Variants in CDK14 observed in about 807,000 individuals in gnomAD.
The protein encoded by CDK14 is cyclin dependent kinase 14.
Under a neutral mutation model 60.7 loss-of-function variants are expected in CDK14, and 34 were observed. The ratio of observed to expected loss-of-function variants is 0.56; its 90% CI spans 0.43 to 0.75. The LOEUF (loss-of-function observed/expected upper bound fraction) is 0.75, where lower values mean the gene tolerates loss of function less well. Among genes scored for constraint, CDK14 ranks in the 30% least tolerant of loss-of-function variants. The probability of loss-of-function intolerance (pLI) is 0.00; values close to 1 mark genes in which losing one functional copy is unlikely to be tolerated. For synonymous variants in CDK14, 197 were observed against 203.7 expected (o/e 0.97, Z 0.28); for missense variants, 482 against 564.1 (o/e 0.85, Z 1.47).
chr7:91,155,223 T>C (rs151216871), intron 14 of CDK14, among the ~76,000 whole-genome samples: 185 of 152,246 alleles, frequency 1.2e-3, no homozygotes, highest in Admixed American at 2.0e-3. Context: ...GAAGATGCCA[T>C]TGCAGAGGTG....
At chr7:90,717,554 T>A (rs543938001) in intron 2 of CDK14, among the ~76,000 whole-genome samples, 114 of 152,228 alleles carry the variant, frequency 7.5e-4, no homozygotes, top group African/African-American at 2.7e-3. Context: ...TTGGGTCAGA[T>A]GCCAAAGAAA....
chr7:91,125,382 A>C (rs1799910482), intron 14 of CDK14, among the ~76,000 whole-genome samples: 1 of 152,218 alleles, frequency 6.6e-6, no homozygotes, highest in Non-Finnish European at 1.5e-5. Context: ...CTTTAGCTAA[A>C]GTATTACAAG....
intron 3 of CDK14, among the ~76,000 whole-genome samples, chr7:90,739,748 A>G (rs1395983919): frequency 1.3e-5 from 2 of 152,218 alleles, no homozygotes; most frequent in Admixed American, 6.5e-5. Flanking sequence ...AAGCAAACAC[A>G]CAGACCTCTC....
chr7:90,959,690 A>G (rs1794540830), intron 9 of CDK14, among the ~76,000 whole-genome samples: 1 of 152,196 alleles, frequency 6.6e-6, no homozygotes, highest in African/African-American at 2.4e-5. Flanking sequence ...AAATAAAAAA[A>G]TGAATGAAGA....
intron 6 of CDK14, among the ~76,000 whole-genome samples, chr7:90,880,544 G>A (rs117793331): frequency 0.03 from 4,539 of 152,258 alleles, 87 homozygotes; most frequent in Non-Finnish European, 0.047. Context: ...AGATGAGTGG[G>A]TTTCCCCACA....
intron 14 of CDK14, among the ~76,000 whole-genome samples, chr7:91,124,151 G>A (rs1799869705): frequency 6.6e-6 from 1 of 152,088 alleles, no homozygotes; most frequent in African/African-American, 2.4e-5. Flanking sequence ...GCCTCACAAA[G>A]TGTTGGGATT....
chr7:91,169,215 G>A (rs952277891), intron 14 of CDK14, among the ~76,000 whole-genome samples: 4 of 152,124 alleles, frequency 2.6e-5, no homozygotes, highest in East Asian at 1.9e-4. Context: ...GATAGACACC[G>A]AGTGACCTAA....
chr7:91,176,486 A>C (rs1474378138), intron 14 of CDK14, among the ~76,000 whole-genome samples: 5 of 152,170 alleles, frequency 3.3e-5, no homozygotes, highest in East Asian at 3.9e-4. Flanking sequence ...AATAGAGACC[A>C]AAAAAACCCT....
At chr7:91,001,009 G>C (rs1795820443) in intron 10 of CDK14, among the ~76,000 whole-genome samples, 1 of 152,086 alleles carries the variant, frequency 6.6e-6, no homozygotes, top group East Asian at 1.9e-4. Flanking sequence ...CAGATCAGCA[G>C]GCAAAAATAT....
At chr7:90,895,357 T>TCC (rs1562817531) in intron 6 of CDK14, among the ~76,000 whole-genome samples, 1 of 34,832 alleles carries the variant, frequency 2.9e-5, no homozygotes, top group Non-Finnish European at 5.8e-5. Flanking sequence ...TCTCCTCTCC[T>TCC]CACCTCTCCT....
chr7:90,623,120 T>G (rs1194448929), intron 2 of CDK14, among the ~76,000 whole-genome samples: 1 of 151,910 alleles, frequency 6.6e-6, no homozygotes, highest in Non-Finnish European at 1.5e-5. Context: ...TTTAAAATTT[T>G]TGTTGTCTTT....
intron 7 of CDK14, among the ~76,000 whole-genome samples, chr7:90,914,569 TTGTTTGGGGCTGTATTTGTCA>T (rs1370993702): frequency 1.3e-5 from 2 of 152,162 alleles, no homozygotes; most frequent in Non-Finnish European, 2.9e-5. Flanking sequence ...GTTCTTACAT[TTGTTTGGGGCTGTATTTGTCA>T]TGTTTGGGGC....
intron 8 of CDK14, among the ~76,000 whole-genome samples, chr7:90,947,074 A>G (rs115800680): frequency 4.6e-5 from 7 of 151,892 alleles, no homozygotes; most frequent in African/African-American, 1.7e-4. Context: ...TTCCTTAACG[A>G]TTTTCTCTTT....
chr7:90,775,748 C>T (rs375463396), intron 4 of CDK14, among the ~76,000 whole-genome samples: 3 of 130,110 alleles, frequency 2.3e-5, no homozygotes, highest in East Asian at 3.4e-4. Context: ...TCTCCTTCTC[C>T]TCTTCCTCCT....
At chr7:91,007,681 T>G (rs999379229) in intron 10 of CDK14, among the ~76,000 whole-genome samples, 24 of 152,324 alleles carry the variant, frequency 1.6e-4, no homozygotes, top group Middle Eastern at 3.4e-3. Context: ...TCATTTCAGC[T>G]GTATAGAATG....
At chr7:90,993,450 A>C (rs997335607) in intron 10 of CDK14, among the ~76,000 whole-genome samples, 1 of 152,150 alleles carries the variant, frequency 6.6e-6, no homozygotes, top group Non-Finnish European at 1.5e-5. Flanking sequence ...AAGGTATTGG[A>C]GCAGGCAAGA....
intron 2 of CDK14, among the ~76,000 whole-genome samples, chr7:90,637,694 A>G (rs373889885): frequency 3.3e-4 from 49 of 147,814 alleles, no homozygotes; most frequent in Non-Finnish European, 1.9e-4. Context: ...TATCCTTGTT[A>G]ACTTTCTGTC....
At chr7:90,658,491 T>C (rs1800797616) in intron 2 of CDK14, among the ~76,000 whole-genome samples, 1 of 152,182 alleles carries the variant, frequency 6.6e-6, no homozygotes, top group Non-Finnish European at 1.5e-5. Flanking sequence ...ACCATCATAT[T>C]GGGGATTAGA....
intron 2 of CDK14, among the ~76,000 whole-genome samples, chr7:90,706,987 C>T (rs6465283): frequency 0.56 from 85,491 of 151,794 alleles, 24,317 homozygotes; most frequent in East Asian, 0.77. Context: ...TCCTGCCTCC[C>T]CATTTCTTTT....
Sources: allele counts gnomAD v4.1 joint callset (sites outside exome capture counted in the v4.1 genomes callset), GRCh38; gene constraint gnomAD v4.1.1; transcripts MANE v1.5; gene names NCBI Gene and HGNC (gene_info 2026-07-23, HGNC 2026-07-21).